The following SMCO4 variants were observed in gnomAD, a reference collection of about 807,000 sequenced individuals.
SMCO4 encodes the protein single-pass membrane and coiled-coil domain-containing protein 4.
Under a neutral mutation model 3.6 loss-of-function variants are expected in SMCO4, and 4 were observed. The observed-to-expected ratio is 1.11, with a 90% CI of 0.54 to 2.53. The LOEUF is 2.53. Among genes scored for constraint, SMCO4 ranks in the 30% most tolerant of loss-of-function variants. The pLI is 0.02. For missense variants in SMCO4, 70 were observed against 80.8 expected (o/e 0.87, Z 0.51); for synonymous variants, 36 against 35.3 (o/e 1.02, Z -0.07).
intron 1 of SMCO4, among the ~76,000 whole-genome samples, chr11:93,514,696 T>C (rs1343766443): frequency 6.6e-6 from 1 of 152,168 alleles, no homozygotes; most frequent in Non-Finnish European, 1.5e-5. Flanking sequence ...ATTCAATTAA[T>C]AGCTGATTAA....
chr11:93,489,206 T>C (rs1948686027), intron 2 of SMCO4, among the ~76,000 whole-genome samples: 1 of 152,172 alleles, frequency 6.6e-6, no homozygotes, highest in African/African-American at 2.4e-5. Context: ...TTACTTAATC[T>C]TTCTGTGCCT....
chr11:93,501,611 G>C (rs948120778), intron 1 of SMCO4, among the ~76,000 whole-genome samples: 20 of 152,112 alleles, frequency 1.3e-4, no homozygotes, highest in African/African-American at 4.8e-4. Context: ...ATCTGTGATG[G>C]CACTTAGGGC....
intron 1 of SMCO4, among the ~76,000 whole-genome samples, chr11:93,501,654 G>C (rs1948839661): frequency 6.6e-6 from 1 of 152,168 alleles, no homozygotes; most frequent in South Asian, 2.1e-4. Flanking sequence ...CTCATCTCAA[G>C]ATCCTTACTT....
intron 2 of SMCO4, among the ~76,000 whole-genome samples, chr11:93,486,897 T>C (rs1255449970): frequency 4.6e-5 from 7 of 152,186 alleles, no homozygotes; most frequent in African/African-American, 7.2e-5. Context: ...AAAAAAACAG[T>C]TGAAGGCGCT....
At chr11:93,510,248 T>C (rs1948945306) in intron 1 of SMCO4, among the ~76,000 whole-genome samples, 1 of 152,226 alleles carries the variant, frequency 6.6e-6, no homozygotes, top group African/African-American at 2.4e-5. Flanking sequence ...GGACCTACAG[T>C]TGTCACTGCA....
intron 1 of SMCO4, among the ~76,000 whole-genome samples, chr11:93,500,481 TG>T (rs1948824910): frequency 6.6e-6 from 1 of 152,190 alleles, no homozygotes; most frequent in Non-Finnish European, 1.5e-5. Context: ...TTACCTACTG[TG>T]GGGATTTAAG....
At chr11:93,480,002 T>C (rs1172888300) in intron 2 of SMCO4, among the ~76,000 whole-genome samples, 1 of 152,138 alleles carries the variant, frequency 6.6e-6, no homozygotes, top group Non-Finnish European at 1.5e-5. Context: ...TCCTGTTAAT[T>C]CTGTAGCTCA....
chr11:93,515,688 G>T (rs1272093000), intron 1 of SMCO4, among the ~76,000 whole-genome samples: 1 of 152,146 alleles, frequency 6.6e-6, no homozygotes, highest in East Asian at 1.9e-4. Flanking sequence ...CTCCAGACAG[G>T]AAACCAGGGT....
chr11:93,552,006 AG>A, the SMCO4 span, among the ~76,000 whole-genome samples: 1 of 152,094 alleles, frequency 6.6e-6, no homozygotes, highest in Non-Finnish European at 1.5e-5. Flanking sequence ...ATTGAACAAC[AG>A]TTTACTTTTT....
intron 1 of SMCO4, among the ~76,000 whole-genome samples, chr11:93,526,873 C>T (rs945641640): frequency 6.6e-6 from 1 of 152,192 alleles, no homozygotes; most frequent in Non-Finnish European, 1.5e-5. Flanking sequence ...CAGACTAATT[C>T]CCAAGTTCAA....
At chr11:93,542,164 C>T (rs1439805770) in intron 1 of SMCO4, among the ~76,000 whole-genome samples, 2 of 151,374 alleles carry the variant, frequency 1.3e-5, no homozygotes. Flanking sequence ...GGGCTCCACA[C>T]AGGTTGTTCT....
At chr11:93,538,657 T>A (rs1292615242) in intron 1 of SMCO4, among the ~76,000 whole-genome samples, 1 of 152,172 alleles carries the variant, frequency 6.6e-6, no homozygotes, top group Non-Finnish European at 1.5e-5. Context: ...GCTTTTAGCC[T>A]GCACATAGTC....
intron 1 of SMCO4, among the ~76,000 whole-genome samples, chr11:93,505,192 G>T (rs1948887908): frequency 6.6e-6 from 1 of 152,184 alleles, no homozygotes; most frequent in South Asian, 2.1e-4. Flanking sequence ...TTGAGAGGAA[G>T]ACCTAAATGG....
chr11:93,494,475 T>G (rs1023687338), intron 2 of SMCO4, among the ~76,000 whole-genome samples: 1 of 152,180 alleles, frequency 6.6e-6, no homozygotes. Flanking sequence ...CTCACTGACG[T>G]TGCACTGTCA....
upstream of SMCO4, among the ~76,000 whole-genome samples, chr11:93,545,651 A>G (rs538591537): frequency 1.1e-4 from 16 of 150,808 alleles, no homozygotes; most frequent in Non-Finnish European, 2.1e-4. Context: ...CATCCTTTAT[A>G]GGTTAGAGTT....
rs186286519 is a variant in SMCO4, at chr11:93,506,524, C to T, written c.-153-7176G>A. Among the ~76,000 whole-genome samples the T allele has an allele frequency of 8.7e-3, 1,316 of 151,948 alleles. 6 individuals are homozygous for T. The highest frequency in any genetic ancestry group is 0.014 in the Admixed American group (221 of 15,268). On this transcript the variant is annotated intron_variant, in intron 1 of 2. Coordinates refer to ENST00000298966, the MANE Select transcript of SMCO4 (RefSeq NM_020179.3). ...CACGATCTCGGCTCACTGCAACCTC[C>T]ACCTCCCAGGTTCACACCATTCTCC...
chr11:93,547,378 C>A (rs114605681), upstream of SMCO4, among the ~76,000 whole-genome samples: 1,154 of 152,320 alleles, frequency 7.6e-3, 12 homozygotes, highest in African/African-American at 0.026. Context: ...TCAAGGATAA[C>A]AAAACCAGTG....
chr11:93,528,167 A>T (rs1193229790), intron 1 of SMCO4, among the ~76,000 whole-genome samples: 1 of 152,134 alleles, frequency 6.6e-6, no homozygotes, highest in East Asian at 1.9e-4. Flanking sequence ...CACTAAAATA[A>T]AGTACTTTAT....
intron 1 of SMCO4, among the ~76,000 whole-genome samples, chr11:93,538,979 A>G (rs1949251029): frequency 6.6e-6 from 1 of 152,198 alleles, no homozygotes; most frequent in South Asian, 2.1e-4. Flanking sequence ...CACAGCATGC[A>G]AGGCCCCTGC....
Sources: gnomAD v4.1 joint callset for allele counts (sites outside exome capture counted in the v4.1 genomes callset) on GRCh38, gnomAD v4.1.1 for gene constraint, MANE v1.5 for transcripts, NCBI Gene and HGNC (gene_info 2026-07-23, HGNC 2026-07-21) for gene names.